TJP1: variants seen among roughly 807,000 people sequenced by gnomAD.
TJP1 encodes tight junction protein ZO-1.
A neutral mutation model predicts 194.2 loss-of-function variants in TJP1; 43 were observed. The ratio of observed to expected loss-of-function variants is 0.22; its 90% confidence interval spans 0.17 to 0.29. TJP1 has a LOEUF of 0.29. Among genes scored for constraint, TJP1 ranks in the 10% least tolerant of loss-of-function variants. TJP1 has a pLI of 1.00. For synonymous variants in TJP1, 801 were observed against 779.0 expected, an observed-to-expected ratio of 1.03 and a Z score of -0.47; for missense variants, 1,971 against 2,185.7, an observed-to-expected ratio of 0.90 and a Z score of 1.96.
chr15:29,932,524 TA>T (rs1186710078), intron 2 of TJP1, among the ~76,000 whole-genome samples: 2 of 151,448 alleles, frequency 1.3e-5, no homozygotes, highest in Non-Finnish European at 1.5e-5. Flanking sequence ...TTTAAAACTT[TA>T]AAAAAAATAT....
chr15:29,795,166 G>A (rs1395962328), intron 2 of TJP1, among the ~76,000 whole-genome samples: 1 of 152,280 alleles, frequency 6.6e-6, no homozygotes, highest in Non-Finnish European at 1.5e-5. Flanking sequence ...GCTCACGCCT[G>A]TAATCCCAGC....
intron 2 of TJP1, chr15:29,800,386 T>G (rs2048705177): frequency 2.0e-6 from 1 of 491,644 alleles, no homozygotes; most frequent in African/African-American, 2.0e-5. Flanking sequence ...GTCTTTTATC[T>G]GATCACTCAA....
At chr15:29,937,604 G>A (rs187173879) in intron 2 of TJP1, among the ~76,000 whole-genome samples, 44 of 152,216 alleles carry the variant, frequency 2.9e-4, no homozygotes, top group Middle Eastern at 6.8e-3. Context: ...CAGATGCCAC[G>A]GACAGAACAA....
chr15:29,785,574 T>A (rs184769150), intron 2 of TJP1, among the ~76,000 whole-genome samples: 3 of 152,382 alleles, frequency 2.0e-5, no homozygotes. Context: ...TCTCTGTTCC[T>A]ATTGAATATG....
At chr15:29,904,230 A>G (rs2053731514) in intron 2 of TJP1, among the ~76,000 whole-genome samples, 1 of 152,186 alleles carries the variant, frequency 6.6e-6, no homozygotes, top group Non-Finnish European at 1.5e-5. Flanking sequence ...GATGATTTAC[A>G]TCTGAAAAGG....
At chr15:29,808,473 C>A (rs904965099) in intron 1 of TJP1, among the ~76,000 whole-genome samples, 8 of 152,086 alleles carry the variant, frequency 5.3e-5, no homozygotes, top group Admixed American at 4.6e-4. Context: ...CTATGATTTG[C>A]CTAATGTATT....
At chr15:29,859,647 T>C (rs2051998742) in intron 2 of TJP1, among the ~76,000 whole-genome samples, 1 of 151,976 alleles carries the variant, frequency 6.6e-6, no homozygotes, top group Non-Finnish European at 1.5e-5. Context: ...GGTTGGGGAG[T>C]GGCTGGAGGA....
chr15:29,939,321 G>T (rs1397779712), intron 2 of TJP1, among the ~76,000 whole-genome samples: 1 of 152,230 alleles, frequency 6.6e-6, no homozygotes, highest in South Asian at 2.1e-4. Flanking sequence ...GGCAAAGGAC[G>T]CATCTTGGCA....
intron 1 of TJP1, among the ~76,000 whole-genome samples, chr15:29,809,665 T>C (rs898606874): frequency 2.0e-5 from 3 of 152,076 alleles, no homozygotes; most frequent in African/African-American, 7.2e-5. Flanking sequence ...GCCAACACGG[T>C]GAAACCCCGT....
intron 2 of TJP1, among the ~76,000 whole-genome samples, chr15:29,950,164 CACAACCACT>C (rs1450041371): frequency 9.7e-5 from 11 of 112,878 alleles, no homozygotes; most frequent in African/African-American, 3.6e-4. Context: ...CCACCACCAC[CACAACCACT>C]ACCTCCACCT....
intron 1 of TJP1, among the ~76,000 whole-genome samples, chr15:29,964,300 G>A (rs2056259646): frequency 6.6e-6 from 1 of 152,158 alleles, no homozygotes; most frequent in Non-Finnish European, 1.5e-5. Context: ...AATATGGCCT[G>A]CAGAAGAATC....
intron 1 of TJP1, among the ~76,000 whole-genome samples, chr15:29,961,756 T>C (rs2056173103): frequency 6.6e-6 from 1 of 152,154 alleles, no homozygotes; most frequent in Non-Finnish European, 1.5e-5. Context: ...AGAACAGGTC[T>C]GGTCTGCACT....
In TJP1 at chr15:29,708,615, C is replaced by T. The variant is rs1174991655; in HGVS notation, c.4794G>A (p.Glu1598=). The T allele has an allele frequency of 1.2e-6, 2 of 1,614,036 alleles. No individual in the cohort carries two copies. The highest frequency in any genetic ancestry group is 1.7e-6 in the Non-Finnish European group (2 of 1,179,994). Residue 1598 remains glutamate, a synonymous_variant, in exon 25 of 28, where the codon GAG becomes GAA. Transcript: ENST00000614355. Reference sequence around the variant, plus strand: ...TATTATTTATTTGATATTTAGGCTTCTCTGCATGGATAGAGAAAGTTTCAA... The same window carrying T: ...TATTATTTATTTGATATTTAGGCTTTTCTGCATGGATAGAGAAAGTTTCAA... ...SGVETFSIHA[E]KPKYQINNIS... is the part of the protein sequence containing the mutation.
intron 2 of TJP1, among the ~76,000 whole-genome samples, chr15:29,895,614 T>C (rs2053453102): frequency 6.6e-6 from 1 of 152,156 alleles, no homozygotes; most frequent in Non-Finnish European, 1.5e-5. Context: ...ACAGCTCTCC[T>C]TCCCTCCTTC....
chr15:29,733,613 T>A (rs919387756), intron 12 of TJP1, among the ~76,000 whole-genome samples: 1 of 152,232 alleles, frequency 6.6e-6, no homozygotes, highest in Non-Finnish European at 1.5e-5. Flanking sequence ...CATTTCCATA[T>A]CTAAATCAGC....
At chr15:29,888,651 C>T (rs2053203744) in intron 2 of TJP1, among the ~76,000 whole-genome samples, 1 of 152,118 alleles carries the variant, frequency 6.6e-6, no homozygotes, top group African/African-American at 2.4e-5. Flanking sequence ...AACACAAAAA[C>T]ATTCTGGATA....
chr15:29,720,719 T>C lies in TJP1; in HGVS notation c.2413-11A>G. ...TGTAGCACCATCCGCCTGGGTCAAA[T>C]AAAAGTAAATTACAAATTTTATTCA... On this transcript the variant is annotated splice_polypyrimidine_tract_variant and intron_variant, in intron 18 of 27. Transcript: ENST00000614355. 6.4e-7 allele frequency: 1 copy of C among 1,562,168 alleles called. No individual in the cohort carries two copies. Among genetic ancestry groups the C allele is most frequent in the South Asian group, 1.2e-5 (1 of 83,042 alleles).
chr15:29,703,459 C>T (rs2041686937), intron 27 of TJP1, among the ~76,000 whole-genome samples: 1 of 151,674 alleles, frequency 6.6e-6, no homozygotes, highest in Admixed American at 6.6e-5. Context: ...TCAAAACAAA[C>T]AAACAAAAAA....
At chr15:29,923,634 G>A (rs1179963404) in intron 2 of TJP1, among the ~76,000 whole-genome samples, 1 of 152,186 alleles carries the variant, frequency 6.6e-6, no homozygotes, top group East Asian at 1.9e-4. Flanking sequence ...TAGATTAGTG[G>A]TTGCAGACTT....
Sources: gnomAD v4.1 joint callset for allele counts (sites outside exome capture counted in the v4.1 genomes callset) on GRCh38, gnomAD v4.1.1 for gene constraint, MANE v1.5 for transcripts, NCBI Gene and HGNC (gene_info 2026-07-23, HGNC 2026-07-21) for gene names.